PAK4: variants seen among roughly 807,000 people sequenced by gnomAD.
PAK4 encodes serine/threonine-protein kinase PAK 4.
Under a neutral mutation model 53.5 loss-of-function variants are expected in PAK4, and 49 were observed. The observed-to-expected ratio is 0.92, with a 90% CI of 0.73 to 1.16. PAK4 has a LOEUF of 1.16. PAK4 is among the 50% of genes most tolerant of loss of function. The pLI is 0.00. For synonymous variants in PAK4, 376 were observed against 375.6 expected (o/e 1.00, Z -0.01); for missense variants, 824 against 850.7 (o/e 0.97, Z 0.39).
chr19:39,137,396 G>A (rs1158514128), intron 1 of PAK4, among the ~76,000 whole-genome samples: 2 of 152,086 alleles, frequency 1.3e-5, no homozygotes, highest in African/African-American at 4.8e-5. Context: ...GGGTTTGTGC[G>A]TGCCGGCCCT....
At chr19:39,129,191 G>T (rs1048643065) in intron 1 of PAK4, among the ~76,000 whole-genome samples, 1 of 151,946 alleles carries the variant, frequency 6.6e-6, no homozygotes, top group Admixed American at 6.6e-5. Context: ...TTACAGGCGC[G>T]CACACCTGCT....
At position 39,127,326 on chromosome 19, in the gene PAK4, G is replaced by T. The variant is rs80265623; in HGVS notation, c.-23+1407G>T. ...AACTCCAGGCCCATGCCTCCCGCCC[G>T]GTCTTTGACCTTCCTGTTCCTTCTG... On this transcript the variant is annotated intron_variant, in intron 1 of 8. Coordinates refer to ENST00000358301, the Ensembl canonical transcript of PAK4. 4.5e-3 allele frequency among the ~76,000 whole-genome samples: 687 copies of T among 151,924 alleles called. 5 individuals are homozygous for T. The highest frequency in any genetic ancestry group is 0.01 in the Middle Eastern group (3 of 294).
intron 4 of PAK4, 23 bp from the exon 6 acceptor site, chr19:39,174,908 C>T (rs2074570089): frequency 1.9e-6 from 3 of 1,613,132 alleles, no homozygotes; most frequent in Non-Finnish European, 2.5e-6. Flanking sequence ...CCTCCCTCCA[C>T]CACTGACCCA....
At chr19:39,140,213 A>T (rs554540118) in intron 1 of PAK4, among the ~76,000 whole-genome samples, 2 of 152,176 alleles carry the variant, frequency 1.3e-5, no homozygotes, top group Admixed American at 6.5e-5. Flanking sequence ...CCCCTGGCAG[A>T]AACTTCCCAG....
intron 1 of PAK4, chr19:39,135,321 A>ATTTT (rs2073790383): frequency 1.0e-5 from 1 of 95,782 alleles, no homozygotes; most frequent in Non-Finnish European, 2.1e-5. Context: ...TCAAGTGCTT[A>ATTTT]TTCTTTTTTT....
chr19:39,158,845 T>C (rs1480615868), intron 1 of PAK4, among the ~76,000 whole-genome samples: 2 of 152,048 alleles, frequency 1.3e-5, no homozygotes, highest in Non-Finnish European at 2.9e-5. Context: ...GGCTCCTCCC[T>C]CCCAACCCTG....
In PAK4 at chr19:39,174,073, C is replaced by T; in HGVS notation, c.1098+63C>T. On this transcript the variant is annotated intron_variant, in intron 4 of 8. Coordinates refer to ENST00000358301, the Ensembl canonical transcript of PAK4. ...CCACCCCTCCCTCCCACCCTCCCTC[C>T]CCTCCTCCCTCCTCTCCCTGCACTC... 4.1e-6 allele frequency: 4 copies of T among 975,228 alleles called. No individual in the cohort carries two copies. In the South Asian group the frequency reaches 6.3e-5, roughly 15 times the overall value. The allele number at this position is 975,228 out of a possible 1,614,324, so 60.4% of individuals were successfully genotyped here.
intron 1 of PAK4, among the ~76,000 whole-genome samples, chr19:39,137,954 C>T (rs1268037886): frequency 1.3e-5 from 2 of 150,810 alleles, no homozygotes; most frequent in Non-Finnish European, 2.9e-5. Flanking sequence ...GCGGGAGCCA[C>T]TGTGCCTAGT....
At chr19:39,147,850 T>TG (rs1420775457) in intron 1 of PAK4, among the ~76,000 whole-genome samples, 3 of 147,380 alleles carry the variant, frequency 2.0e-5, no homozygotes, top group African/African-American at 7.5e-5. Flanking sequence ...GGTTTTTTTT[T>TG]TTTTTTTTTT....
intron 1 of PAK4, among the ~76,000 whole-genome samples, chr19:39,141,217 A>G (rs569630017): frequency 7.2e-5 from 11 of 152,082 alleles, no homozygotes; most frequent in Admixed American, 6.5e-4. Flanking sequence ...CTCCCTGCTT[A>G]TTTCAGAGCA....
Position 39,138,300 on chromosome 19 carries a change from G to A in PAK4, c.-23+12381G>A, listed in dbSNP as rs572779336. Among the ~76,000 whole-genome samples the A allele has an allele frequency of 1.1e-4, 16 of 150,492 alleles. No individual in the cohort carries two copies. In the East Asian group the frequency reaches 1.6e-3, roughly 15 times the overall value. ...ACTCCTGAGCTCAAGCCAGCTGCCCGCCTCAGCCTTCCAAAGTGCTGGGAT... is the reference window on the plus strand; with the variant it reads ...ACTCCTGAGCTCAAGCCAGCTGCCCACCTCAGCCTTCCAAAGTGCTGGGAT... On this transcript the variant is annotated intron_variant, in intron 1 of 8. Transcript: ENST00000358301.
downstream of PAK4, chr19:39,179,592 T>A (rs2074679448): frequency 6.6e-6 from 1 of 152,070 alleles, no homozygotes; most frequent in African/African-American, 2.4e-5. Flanking sequence ...CTCCCCAGAA[T>A]GGGGCAGGAT....
downstream of PAK4, chr19:39,182,103 T>A (rs2074705641): frequency 6.6e-6 from 1 of 152,204 alleles, no homozygotes; most frequent in Non-Finnish European, 1.5e-5. Context: ...CCCTCCCGTG[T>A]AAAAGGCCCA....
intron 1 of PAK4, among the ~76,000 whole-genome samples, chr19:39,167,079 G>A (rs964414921): frequency 2.6e-5 from 4 of 152,204 alleles, no homozygotes; most frequent in Admixed American, 6.5e-5. Flanking sequence ...CCAGCCGCCC[G>A]CCCTCCAGGC....
chr19:39,165,993 C>T (rs1374458166), intron 1 of PAK4, among the ~76,000 whole-genome samples: 1 of 152,192 alleles, frequency 6.6e-6, no homozygotes, highest in African/African-American at 2.4e-5. Flanking sequence ...GGTAAAGTGC[C>T]TGGAAGAGGG....
In PAK4 at chr19:39,149,485, C is replaced by T. The variant is rs557479947; in HGVS notation, c.-22-20047C>T. The stretch of plus-strand genomic sequence containing the variant: ...AAGCATGCATGGAGTCCCAGCTATT[C>T]GGGGGCAGGAGGATCACCTGAGCCT... On this transcript the variant is annotated intron_variant, in intron 1 of 8. Coordinates refer to ENST00000358301, the Ensembl canonical transcript of PAK4. 3.9e-5 allele frequency among the ~76,000 whole-genome samples: 6 copies of T among 152,224 alleles called. No individual in the cohort carries two copies. The East Asian group carries it at 7.7e-4, about 20-fold the overall frequency.
intron 1 of PAK4, among the ~76,000 whole-genome samples, chr19:39,159,183 G>A (rs1327876767): frequency 6.6e-6 from 1 of 152,140 alleles, no homozygotes; most frequent in Admixed American, 6.6e-5. Flanking sequence ...CTGGGACTGG[G>A]CAGTCGGCTC....
At chr19:39,154,569 A>C (rs977197758) in intron 1 of PAK4, among the ~76,000 whole-genome samples, 2 of 152,210 alleles carry the variant, frequency 1.3e-5, no homozygotes, top group South Asian at 4.1e-4. Flanking sequence ...TTACAAAGAC[A>C]GAGAGAAGGA....
chr19:39,146,839 AAAAG>A (rs1392418837), intron 1 of PAK4, among the ~76,000 whole-genome samples: 1 of 151,646 alleles, frequency 6.6e-6, no homozygotes, highest in Admixed American at 6.6e-5. Flanking sequence ...GCTCTGTTGC[AAAAG>A]AAAGAGAGAA....
Sources: allele counts gnomAD v4.1 joint callset (sites outside exome capture counted in the v4.1 genomes callset), GRCh38; gene constraint gnomAD v4.1.1; transcripts MANE v1.5; gene names NCBI Gene and HGNC (gene_info 2026-07-23, HGNC 2026-07-21).